Variants in GALNT13 observed in about 807,000 individuals in gnomAD.
GALNT13 encodes polypeptide N-acetylgalactosaminyltransferase 13.
GALNT13 carries 28 observed loss-of-function variants against 64.2 expected under a neutral mutation model. The observed-to-expected ratio is 0.44, with a 90% CI of 0.32 to 0.60. The LOEUF is 0.60. Ranked by LOEUF, GALNT13 falls within the 20% of genes least tolerant of loss-of-function variation. The pLI is 0.05. For synonymous variants in GALNT13, 214 were observed against 224.6 expected, an observed-to-expected ratio of 0.95 and a Z score of 0.42; for missense variants, 577 against 669.8, an observed-to-expected ratio of 0.86 and a Z score of 1.53.
the GALNT13 span, among the ~76,000 whole-genome samples, chr2:153,136,239 T>C: frequency 6.6e-6 from 1 of 152,086 alleles, no homozygotes; most frequent in Non-Finnish European, 1.5e-5. Context: ...TTTACAAACA[T>C]CATTTCACAC....
intron 8 of GALNT13, among the ~76,000 whole-genome samples, chr2:154,300,367 T>G (rs573961638): frequency 6.6e-6 from 1 of 152,202 alleles, no homozygotes; most frequent in South Asian, 2.1e-4. Flanking sequence ...CCTCCCAAAG[T>G]GGTGGGATTA....
At chr2:153,818,748 C>T in the GALNT13 span, among the ~76,000 whole-genome samples, 1 of 152,158 alleles carries the variant, frequency 6.6e-6, no homozygotes, top group Non-Finnish European at 1.5e-5. Flanking sequence ...GCTAAAGGGT[C>T]CTGCCCTCCC....
the GALNT13 span, among the ~76,000 whole-genome samples, chr2:153,346,827 T>C: frequency 2.0e-5 from 3 of 152,218 alleles, no homozygotes; most frequent in Non-Finnish European, 4.4e-5. Flanking sequence ...AAAATTGAAT[T>C]CCCATTGTAA....
At chr2:153,188,803 T>C in the GALNT13 span, among the ~76,000 whole-genome samples, 2 of 152,168 alleles carry the variant, frequency 1.3e-5, no homozygotes, top group Non-Finnish European at 2.9e-5. Context: ...GTTGTTAGTC[T>C]CTTTTCTATT....
chr2:153,691,611 G>GA, the GALNT13 span, among the ~76,000 whole-genome samples: 1 of 151,842 alleles, frequency 6.6e-6, no homozygotes, highest in Non-Finnish European at 1.5e-5. Context: ...GCCACTTAAT[G>GA]AAAAAATTAG....
chr2:153,173,372 T>A, the GALNT13 span: 82 of 152,250 alleles, frequency 5.4e-4, no homozygotes, highest in African/African-American at 1.6e-3. Flanking sequence ...TTTGTCTGGG[T>A]CTACCGAAAT....
intron 3 of GALNT13, among the ~76,000 whole-genome samples, chr2:154,082,503 C>G (rs1701320738): frequency 6.6e-6 from 1 of 151,544 alleles, no homozygotes; most frequent in Admixed American, 6.6e-5. Context: ...ATGTGCAACT[C>G]TATTGTGATG....
the GALNT13 span, among the ~76,000 whole-genome samples, chr2:153,231,993 G>C: frequency 0.84 from 128,056 of 152,122 alleles, 55,215 homozygotes; most frequent in African/African-American, 0.94. Context: ...TGGCGGTTTT[G>C]AACTGCTGGA....
chr2:153,217,647 A>G, the GALNT13 span, among the ~76,000 whole-genome samples: 167 of 147,538 alleles, frequency 1.1e-3, 4 homozygotes, highest in East Asian at 0.03. Context: ...TCTTACTGTG[A>G]TTTTTATTTC....
the GALNT13 span, among the ~76,000 whole-genome samples, chr2:153,637,584 A>G: frequency 6.6e-6 from 1 of 152,164 alleles, no homozygotes; most frequent in South Asian, 2.1e-4. Flanking sequence ...GAAATATAAC[A>G]GCAAGTTTTT....
intron 3 of GALNT13, among the ~76,000 whole-genome samples, chr2:154,014,946 T>G (rs9288308): frequency 0.2 from 30,696 of 152,064 alleles, 4,056 homozygotes; most frequent in Middle Eastern, 0.33. Flanking sequence ...ATAATTCTCT[T>G]TATCTACCTC....
chr2:153,138,985 C>T, the GALNT13 span, among the ~76,000 whole-genome samples: 1 of 152,026 alleles, frequency 6.6e-6, no homozygotes, highest in Admixed American at 6.6e-5. Context: ...AATTTTCTGC[C>T]TGTCCCCTTT....
chr2:153,909,351 T>G (rs1688792930), intron 2 of GALNT13, among the ~76,000 whole-genome samples: 1 of 152,152 alleles, frequency 6.6e-6, no homozygotes, highest in Non-Finnish European at 1.5e-5. Flanking sequence ...ATTGTGGGGT[T>G]TTCTAGATAC....
intron 2 of GALNT13, among the ~76,000 whole-genome samples, chr2:153,924,527 T>G (rs543959621): frequency 6.6e-6 from 1 of 152,218 alleles, no homozygotes; most frequent in East Asian, 1.9e-4. Context: ...ACATGTGCCT[T>G]TATGTATCTT....
intron 1 of GALNT13, among the ~76,000 whole-genome samples, chr2:153,896,984 G>A (rs1283957608): frequency 2.6e-5 from 4 of 152,066 alleles, no homozygotes; most frequent in African/African-American, 7.2e-5. Context: ...TTACAATTTT[G>A]CCTCTTTTGC....
At chr2:153,813,366 A>G in the GALNT13 span, among the ~76,000 whole-genome samples, 1 of 152,196 alleles carries the variant, frequency 6.6e-6, no homozygotes, top group African/African-American at 2.4e-5. Flanking sequence ...AAATATTGCT[A>G]TGCTATCAAA....
chr2:153,390,851 G>A, the GALNT13 span, among the ~76,000 whole-genome samples: 1 of 152,054 alleles, frequency 6.6e-6, no homozygotes, highest in Non-Finnish European at 1.5e-5. Flanking sequence ...ATCCTAGCAA[G>A]GGGTTGAAGA....
intron 4 of GALNT13, among the ~76,000 whole-genome samples, chr2:154,202,987 G>T (rs1340967602): frequency 6.6e-6 from 1 of 152,016 alleles, no homozygotes; most frequent in African/African-American, 2.4e-5. Flanking sequence ...ATGAAATGGG[G>T]CCTGGAAGCC....
rs1277973960 is a variant in GALNT13, at chr2:154,451,650, T to C, written c.*1099T>C. 1 of 152,116 alleles carries C rather than the reference T, an allele frequency of 6.6e-6. No homozygotes were observed. Among genetic ancestry groups the C allele is most frequent in the African/African-American group, 2.4e-5 (1 of 41,446 alleles). 9.4% of individuals were successfully genotyped at this position (152,116 alleles called of 1,614,324 possible). On this transcript the variant is annotated 3_prime_UTR_variant, in exon 13 of 13. Coordinates refer to ENST00000392825, the MANE Select transcript of GALNT13 (RefSeq NM_052917.4). Reference sequence around the variant, plus strand: ...ACTGCTATATATTGTTTGCCATATATTATGGCCCAAGGAATATAGTTATAA... The same window carrying C: ...ACTGCTATATATTGTTTGCCATATACTATGGCCCAAGGAATATAGTTATAA...
Sources: gnomAD v4.1 joint callset for allele counts (sites outside exome capture counted in the v4.1 genomes callset) on GRCh38, gnomAD v4.1.1 for gene constraint, MANE v1.5 for transcripts, NCBI Gene and HGNC (gene_info 2026-07-23, HGNC 2026-07-21) for gene names.